ALDH4A1: variants seen among roughly 807,000 people sequenced by gnomAD.
ALDH4A1 encodes the protein delta-1-pyrroline-5-carboxylate dehydrogenase, mitochondrial.
ALDH4A1 carries 46 observed loss-of-function variants against 70.5 expected under a neutral mutation model. That is an observed-to-expected ratio of 0.65 (90% CI 0.51 to 0.83). The LOEUF is 0.83. Among genes scored for constraint, ALDH4A1 ranks in the 40% least tolerant of loss-of-function variants. ALDH4A1 has a pLI of 0.00. For missense variants in ALDH4A1, 749 were observed against 766.5 expected, an observed-to-expected ratio of 0.98 and a Z score of 0.27; for synonymous variants, 323 against 324.3, an observed-to-expected ratio of 1.00 and a Z score of 0.04.
Position 18,878,855 on chromosome 1 carries a change from G to A in ALDH4A1, c.940+445C>T, listed in dbSNP as rs138319015. Among the ~76,000 whole-genome samples, 34 of 152,224 alleles carry A rather than the reference G, an allele frequency of 2.2e-4. 1 individual carries two copies. In the East Asian group the frequency reaches 5.8e-3, roughly 26 times the overall value. ...TCCAGCCCTGCCTACGTCTCAGCCCGTCTTCTCCTACCAGCCCTCCTCCCT... is the reference window on the plus strand; with the variant it reads ...TCCAGCCCTGCCTACGTCTCAGCCCATCTTCTCCTACCAGCCCTCCTCCCT... On this transcript the variant is annotated intron_variant, in intron 9 of 14. Coordinates refer to ENST00000375341, the MANE Select transcript of ALDH4A1 (RefSeq NM_003748.4).
Position 18,898,939 on chromosome 1 carries a change from G to A in ALDH4A1, c.62+3523C>T, listed in dbSNP as rs556069863. 5.3e-5 allele frequency among the ~76,000 whole-genome samples: 8 copies of A among 152,348 alleles called. No individual in the cohort carries two copies. Among genetic ancestry groups the A allele is most frequent in the East Asian group, 1.9e-4 (1 of 5,178 alleles). ...TCCAACTCAAATACTCACAGAGCAC[G>A]CATTCGGTACCAGCATCCAGGAAAC... On this transcript the variant is annotated intron_variant, in intron 1 of 14. Transcript: ENST00000375341. The surrounding 1 kb of genome is among the most constrained non-coding windows in gnomAD (Gnocchi z 4.3).
At position 18,881,766 on chromosome 1, in the gene ALDH4A1, G is replaced by T. The variant is rs141843191; in HGVS notation, c.800C>A (p.Pro267His). The change falls in exon 8 of 15, where the codon CCC becomes CAC. Residue 267 changes from proline to histidine, a missense_variant. By Grantham distance (77) the Pro-to-His change is moderately conservative (BLOSUM62 -2). Coordinates refer to ENST00000375341, the MANE Select transcript of ALDH4A1 (RefSeq NM_003748.4). ...GCTGGTGACAGTGTCCCCAAATAGG[G>T]GCCCATCAGCTGGCACAAACTGGAT... is the stretch of plus-strand genomic sequence containing the variant. Reference protein sequence around the residue: ...NIIQFVPADGPLFGDTVTSSE... With the variant: ...NIIQFVPADGHLFGDTVTSSE... 1 of 1,614,068 alleles carries T rather than the reference G, an allele frequency of 6.2e-7. No individual in the cohort carries two copies. Among genetic ancestry groups the T allele is most frequent in the Middle Eastern group, 1.6e-4 (1 of 6,062 alleles).
At position 18,874,444 on chromosome 1, in the gene ALDH4A1, G is replaced by A; in HGVS notation, c.1579+19C>T. ...CCACCAGGAACTCAGCTCCCCTGTG[G>A]GAAGGGGGACCCACTCACCAGAGGC... On this transcript the variant is annotated intron_variant, in intron 14 of 14. Transcript: ENST00000375341. 6.2e-7 allele frequency: 1 copy of A among 1,609,676 alleles called. No individual in the cohort carries two copies. Among genetic ancestry groups the A allele is most frequent in the Non-Finnish European group, 8.5e-7 (1 of 1,176,512 alleles).
At chr1:18,902,214 C>A (rs1935823541) in intron 1 of ALDH4A1, among the ~76,000 whole-genome samples, 2 of 152,102 alleles carry the variant, frequency 1.3e-5, no homozygotes, top group Non-Finnish European at 2.9e-5. Flanking sequence ...CCTACTCGGT[C>A]GCAGGATTCG....
intron 1 of ALDH4A1, chr1:18,900,927 T>C (rs1223164218): frequency 5.1e-6 from 5 of 983,994 alleles, no homozygotes; most frequent in Admixed American, 6.1e-5. Flanking sequence ...ATTATTGTTA[T>C]CATGGGCTTA....
intron 12 of ALDH4A1, 73 bp from the exon 13 acceptor site, chr1:18,875,576 T>C: frequency 6.2e-7 from 1 of 1,605,000 alleles, no homozygotes; most frequent in Non-Finnish European, 8.5e-7. Flanking sequence ...CCAGTGCCCC[T>C]GCTCTGGCTC....
At chr1:18,888,798 A>G (rs909890859) in intron 3 of ALDH4A1, among the ~76,000 whole-genome samples, 1 of 152,208 alleles carries the variant, frequency 6.6e-6, no homozygotes, top group Non-Finnish European at 1.5e-5. Flanking sequence ...TGTCCTGGGA[A>G]CCTTCAGAGT....
In ALDH4A1 at chr1:18,880,033, C is replaced by T. The variant is rs532514915; in HGVS notation, c.867-660G>A. Among the ~76,000 whole-genome samples, 6 of 136,614 alleles carry T rather than the reference C, an allele frequency of 4.4e-5. No individual in the cohort carries two copies. The highest frequency in any genetic ancestry group is 1.7e-4 in the African/African-American group (6 of 34,866). The allele number at this position is 136,614 out of a possible 152,430, so 89.6% of individuals were successfully genotyped here. On this transcript the variant is annotated intron_variant, in intron 8 of 14. Coordinates refer to ENST00000375341, the MANE Select transcript of ALDH4A1 (RefSeq NM_003748.4). The surrounding 1 kb of genome is among the most constrained non-coding windows in gnomAD (Gnocchi z 5.1). ...TCCCACCTTTAAGCCCGCTGCTCAT[C>T]AGAGCGTGGAGAATGGGGTCCAGGC... is the stretch of plus-strand genomic sequence containing the variant.
At chr1:18,879,454 C>T (rs973020277) in intron 8 of ALDH4A1, 81 bp from the exon 9 acceptor site, 22 of 1,279,622 alleles carry the variant, frequency 1.7e-5, no homozygotes, top group East Asian at 1.2e-4. Context: ...GGAGCATTGC[C>T]GGGGGCAGCC....
intron 7 of ALDH4A1, 133 bp downstream of exon 7, chr1:18,882,991 C>A: frequency 1.6e-6 from 2 of 1,230,460 alleles, no homozygotes; most frequent in Non-Finnish European, 2.4e-6. Context: ...CCCACAGCCC[C>A]AAGCTGCCTC....
rs763306797 is a variant in ALDH4A1 at position 18,883,473 on chromosome 1, T to A, written c.454-45A>T. On this transcript the variant is annotated intron_variant, in intron 5 of 14. Transcript: ENST00000375341. ...GGGTCAGGAGCAGCCAACAGCCTCCTGTCCATCCTCTTCTCACATCTGACG... is the reference window on the plus strand; with the variant it reads ...GGGTCAGGAGCAGCCAACAGCCTCCAGTCCATCCTCTTCTCACATCTGACG... The A allele has an allele frequency of 2.5e-6, 4 of 1,611,356 alleles. No homozygotes were observed. The African/African-American group carries it at 5.3e-5, about 22-fold the overall frequency.
intron 1 of ALDH4A1, among the ~76,000 whole-genome samples, chr1:18,901,930 GAAAAAAA>G: frequency 1.0e-5 from 1 of 99,070 alleles, no homozygotes; most frequent in East Asian, 3.0e-4. Flanking sequence ...CATTTAACTT[GAAAAAAA>G]AAAAAAAAAA....
intron 8 of ALDH4A1, among the ~76,000 whole-genome samples, chr1:18,881,155 T>G (rs1934949329): frequency 6.6e-6 from 1 of 152,114 alleles, no homozygotes. Context: ...GCCCTCACTC[T>G]CTTGCCCTGT....
intron 9 of ALDH4A1, among the ~76,000 whole-genome samples, chr1:18,878,608 T>C (rs1557613704): frequency 1.3e-5 from 2 of 152,262 alleles, no homozygotes; most frequent in South Asian, 2.1e-4. Context: ...AAACACTTGG[T>C]CCATGGGGGT....
At chr1:18,879,805 C>G (rs552739511) in intron 8 of ALDH4A1, among the ~76,000 whole-genome samples, 2 of 152,180 alleles carry the variant, frequency 1.3e-5, no homozygotes, top group Non-Finnish European at 2.9e-5. Flanking sequence ...AAGGATCCCC[C>G]CCAAGCCCAG....
intron 1 of ALDH4A1, among the ~76,000 whole-genome samples, chr1:18,902,028 G>C (rs1038846521): frequency 6.6e-6 from 1 of 152,016 alleles, no homozygotes; most frequent in Non-Finnish European, 1.5e-5. Context: ...AATCCGGGGC[G>C]GGATGGGGAC....
At chr1:18,890,716 C>T in intron 1 of ALDH4A1, 1 of 985,598 alleles carries the variant, frequency 1.0e-6, no homozygotes, top group Non-Finnish European at 1.2e-6. Context: ...AGTTTAAACA[C>T]ACAGATGCAA....
intron 1 of ALDH4A1, chr1:18,900,934 C>T (rs1935777949): frequency 1.0e-6 from 1 of 982,960 alleles, no homozygotes; most frequent in South Asian, 4.7e-5. Context: ...TTATCATGGG[C>T]TTATCTTTTA....
At position 18,876,444 on chromosome 1, in the gene ALDH4A1, C is replaced by T. The variant is rs1367743830; in HGVS notation, c.1209G>A (p.Trp403Ter). The T allele has an allele frequency of 6.2e-7, 1 of 1,603,996 alleles. No individual in the cohort carries two copies. Among genetic ancestry groups the T allele is most frequent in the South Asian group, 1.1e-5 (1 of 90,280 alleles). Residue 403 changes from tryptophan (W) to a stop codon, truncating the protein, a stop_gained, in exon 12 of 15, where the codon TGG becomes TGA. Transcript: ENST00000375341. LOFTEE classifies it high-confidence loss of function. ...TGGGTGAGGAGCGTGCGTGCTCCAG[C>T]CACTTCTTGATACGGGCAAAGGACT... ...DAKSFARIKKWLEHARSSPSL... is the reference protein window; with the variant it reads ...DAKSFARIKK
Sources: allele counts gnomAD v4.1 joint callset (sites outside exome capture counted in the v4.1 genomes callset), GRCh38; gene constraint gnomAD v4.1.1; non-coding constraint Gnocchi (gnomAD v3.1); transcripts MANE v1.5; gene names NCBI Gene and HGNC (gene_info 2026-07-23, HGNC 2026-07-21).